TAF4B: variants seen among roughly 807,000 people sequenced by gnomAD.
TAF4B encodes TATA-box binding protein associated factor 4b.
A neutral mutation model predicts 86.4 loss-of-function variants in TAF4B; 38 were observed. That is an observed-to-expected ratio of 0.44 (90% confidence interval 0.34 to 0.58). TAF4B has a LOEUF of 0.58. Among genes scored for constraint, TAF4B ranks in the 20% least tolerant of loss-of-function variants. The probability of loss-of-function intolerance (pLI) is 0.02; values close to 1 mark genes in which losing one functional copy is unlikely to be tolerated. For synonymous variants in TAF4B, 388 were observed against 391.2 expected (o/e 0.99, Z 0.10); for missense variants, 988 against 1,027.6 (o/e 0.96, Z 0.53).
In TAF4B at chr18:26,321,178, A is replaced by C. The variant is rs775351522; in HGVS notation, c.2111A>C (p.Gln704Pro). ...GLLEKLTAIA[Q>P]HRMTTYKASE... is the part of the protein sequence containing the mutation. ...CTAGAAAAACTGACTGCAATTGCTC[A>C]GCATCGAATGACTACTTACAAGGTA... The change falls in exon 11 of 15, where the codon CAG becomes CCG. Residue 704 changes from glutamine to proline, a missense_variant. By Grantham distance (76) the Gln-to-Pro change is moderately conservative. Around this residue, in one of 3 missense-constraint regions of TAF4B, gnomAD observed 216 missense variants for 238.4 expected, o/e 0.91. Transcript: ENST00000269142. 5.0e-6 allele frequency: 8 copies of C among 1,613,834 alleles called. No individual in the cohort carries two copies. Among genetic ancestry groups the C allele is most frequent in the Non-Finnish European group, 5.9e-6 (7 of 1,179,792 alleles).
chr18:26,381,037 C>CA (rs1222423376), intron 14 of TAF4B, among the ~76,000 whole-genome samples: 2 of 152,092 alleles, frequency 1.3e-5, no homozygotes, highest in Non-Finnish European at 2.9e-5. Context: ...TCTTTTGAGA[C>CA]AGAGTCTTGC....
At chr18:26,305,099 G>A (rs12964982) in intron 9 of TAF4B, among the ~76,000 whole-genome samples, 31,844 of 151,990 alleles carry the variant, frequency 0.21, 4,204 homozygotes, top group Non-Finnish European at 0.3. Context: ...TTCCTTTATG[G>A]CTTTTGAATT....
intron 12 of TAF4B, 96 bp from the exon 13 acceptor site, chr18:26,335,079 A>G (rs543374756): frequency 5.7e-5 from 51 of 894,384 alleles, no homozygotes; most frequent in South Asian, 1.5e-4. Flanking sequence ...AAGATATTCA[A>G]TCACAAGAGA....
intron 1 of TAF4B, among the ~76,000 whole-genome samples, chr18:26,258,708 T>G (rs1340935708): frequency 6.6e-6 from 1 of 152,072 alleles, no homozygotes; most frequent in Non-Finnish European, 1.5e-5. Context: ...AAAAAAATTT[T>G]TTTTAGAGAC....
Position 26,285,344 on chromosome 18 carries a change from C to G in TAF4B, c.973-538C>G, listed in dbSNP as rs373064077. 9.3e-5 allele frequency among the ~76,000 whole-genome samples: 14 copies of G among 150,142 alleles called. No individual in the cohort carries two copies. The Admixed American group carries it at 9.4e-4, about 10-fold the overall frequency. ...CTGGGACTACACGTGTGTGCCACCA[C>G]GCCTGACTAATTTTTGTATTTTTTG... On this transcript the variant is annotated intron_variant, in intron 6 of 14. Coordinates refer to ENST00000269142, the MANE Select transcript of TAF4B (RefSeq NM_005640.3).
intron 7 of TAF4B, among the ~76,000 whole-genome samples, chr18:26,289,936 A>T (rs1459154372): frequency 6.6e-6 from 1 of 152,204 alleles, no homozygotes; most frequent in African/African-American, 2.4e-5. Context: ...GTCCCAATAC[A>T]AAACTGTATT....
chr18:26,297,077 T>C (rs2056672358), intron 9 of TAF4B, among the ~76,000 whole-genome samples: 1 of 150,850 alleles, frequency 6.6e-6, no homozygotes, highest in South Asian at 2.1e-4. Context: ...GAGGTTGCAG[T>C]GAGCTGAGAT....
At chr18:26,287,494 A>G (rs2056539595) in intron 7 of TAF4B, among the ~76,000 whole-genome samples, 1 of 152,166 alleles carries the variant, frequency 6.6e-6, no homozygotes, top group Admixed American at 6.5e-5. Context: ...TAGTGTTTAG[A>G]ATGTTCTTCT....
intron 1 of TAF4B, among the ~76,000 whole-genome samples, chr18:26,235,490 G>C (rs1279947491): frequency 6.6e-6 from 1 of 152,232 alleles, no homozygotes; most frequent in Non-Finnish European, 1.5e-5. Flanking sequence ...AAGTTCAAGA[G>C]ATCTAGAGTA....
At chr18:26,300,995 C>T (rs1449718220) in intron 9 of TAF4B, among the ~76,000 whole-genome samples, 2 of 151,970 alleles carry the variant, frequency 1.3e-5, no homozygotes, top group Admixed American at 1.3e-4. Flanking sequence ...GCTTTCAGAC[C>T]AAAAGACATA....
At chr18:26,284,123 C>T (rs181186967) in intron 6 of TAF4B, among the ~76,000 whole-genome samples, 487 of 152,230 alleles carry the variant, frequency 3.2e-3, no homozygotes, top group Non-Finnish European at 5.9e-3. Context: ...GTACTTGCAG[C>T]TTTACCTTGC....
chr18:26,283,492 C>G (rs771059911), intron 6 of TAF4B, among the ~76,000 whole-genome samples: 24 of 151,862 alleles, frequency 1.6e-4, no homozygotes, highest in Admixed American at 1.0e-3. Flanking sequence ...GTAAACCATG[C>G]TGTGAACAGA....
chr18:26,366,105 A>G (rs1022591901), intron 14 of TAF4B, among the ~76,000 whole-genome samples: 2 of 152,000 alleles, frequency 1.3e-5, no homozygotes, highest in Non-Finnish European at 1.5e-5. Flanking sequence ...TTTTATTTTT[A>G]TTTCTTGACT....
intron 2 of TAF4B, among the ~76,000 whole-genome samples, chr18:26,266,387 C>T (rs954336332): frequency 2.6e-5 from 4 of 151,892 alleles, no homozygotes; most frequent in African/African-American, 4.8e-5. Flanking sequence ...GCTGGGATTA[C>T]AGGCTGAGTA....
At chr18:26,292,923 T>TA (rs2056611454) in intron 8 of TAF4B, among the ~76,000 whole-genome samples, 1 of 145,110 alleles carries the variant, frequency 6.9e-6, no homozygotes, top group South Asian at 2.5e-4. Context: ...TGTAATTTGA[T>TA]AAAACAACCT....
At chr18:26,241,627 G>C (rs1404505946) in intron 1 of TAF4B, among the ~76,000 whole-genome samples, 1 of 152,000 alleles carries the variant, frequency 6.6e-6, no homozygotes, top group African/African-American at 2.4e-5. Context: ...CCTTCTGCTA[G>C]CTTTTGAATG....
intron 14 of TAF4B, among the ~76,000 whole-genome samples, chr18:26,388,283 G>A (rs1035834287): frequency 2.0e-5 from 3 of 152,150 alleles, no homozygotes; most frequent in African/African-American, 7.2e-5. Context: ...ATTCATATTG[G>A]TAAACATATT....
At chr18:26,332,732 G>A (rs2057060705) in intron 12 of TAF4B, among the ~76,000 whole-genome samples, 1 of 152,106 alleles carries the variant, frequency 6.6e-6, no homozygotes, top group South Asian at 2.1e-4. Context: ...GTTTCACCAT[G>A]TTGGCCAGGG....
chr18:26,342,100 G>T (rs2057141245), intron 13 of TAF4B, among the ~76,000 whole-genome samples: 1 of 151,992 alleles, frequency 6.6e-6, no homozygotes, highest in African/African-American at 2.4e-5. Flanking sequence ...TGGTGTTAGG[G>T]TTTTGTTTTT....
Sources: gnomAD v4.1 joint callset for allele counts (sites outside exome capture counted in the v4.1 genomes callset) on GRCh38, gnomAD v4.1.1 for gene constraint, gnomAD v4.1.1 regional missense constraint, MANE v1.5 for transcripts, NCBI Gene and HGNC (gene_info 2026-07-23, HGNC 2026-07-21) for gene names.